The following ARHGAP6 variants were observed in gnomAD, a reference collection of about 807,000 sequenced individuals.
ARHGAP6 encodes rho GTPase-activating protein 6.
ARHGAP6 carries 16 observed loss-of-function variants against 55.7 expected under a neutral mutation model. The observed-to-expected ratio is 0.29, with a 90% confidence interval of 0.19 to 0.44. ARHGAP6 has a LOEUF of 0.44. Among genes scored for constraint, ARHGAP6 ranks in the 20% least tolerant of loss-of-function variants. ARHGAP6 has a pLI of 1.00. For missense variants in ARHGAP6, 698 were observed against 808.9 expected (o/e 0.86, Z 1.66); for synonymous variants, 382 against 360.9 (o/e 1.06, Z -0.66).
At chrX:11,570,914 T>C (rs991338499) in intron 1 of ARHGAP6, among the ~76,000 whole-genome samples, 3 of 111,380 alleles carry the variant, frequency 2.7e-5, no homozygotes, top group Admixed American at 9.6e-5. Flanking sequence ...TCAGCCCTAA[T>C]AAGTGTATTT....
intron 1 of ARHGAP6, among the ~76,000 whole-genome samples, chrX:11,346,170 G>A (rs946016395): frequency 9.0e-6 from 1 of 111,580 alleles, no homozygotes; most frequent in Non-Finnish European, 1.9e-5. Context: ...GGACAGATAA[G>A]TAAGCAAAAC....
chrX:11,212,621 C>T (rs1384263488), intron 2 of ARHGAP6, among the ~76,000 whole-genome samples: 1 of 112,134 alleles, frequency 8.9e-6, no homozygotes, highest in Non-Finnish European at 1.9e-5. Flanking sequence ...TCTGCATGAA[C>T]GTTTCCCAGC....
At chrX:11,584,872 C>T (rs1249633421) in intron 1 of ARHGAP6, among the ~76,000 whole-genome samples, 2 of 111,669 alleles carry the variant, frequency 1.8e-5, no homozygotes, top group East Asian at 5.6e-4. Context: ...GTTACATGTG[C>T]AAGTTCATTA....
chrX:11,252,166 T>G, intron 2 of ARHGAP6, among the ~76,000 whole-genome samples: 1 of 112,104 alleles, frequency 8.9e-6, no homozygotes, highest in Middle Eastern at 4.6e-3. Context: ...TAGTGGACTC[T>G]TTAACAAGCA....
At chrX:11,548,343 C>T (rs2051232497) in intron 1 of ARHGAP6, among the ~76,000 whole-genome samples, 1 of 111,331 alleles carries the variant, frequency 9.0e-6, no homozygotes, top group Non-Finnish European at 1.9e-5. Flanking sequence ...TGCTAGAACA[C>T]CAGAACTAAT....
intron 2 of ARHGAP6, 124 bp from the exon 3 acceptor site, chrX:11,197,120 G>A (rs1221227040): frequency 5.0e-5 from 22 of 441,358 alleles, no homozygotes; most frequent in Non-Finnish European, 8.2e-5. Context: ...GACATTTTAA[G>A]CAGAGTAACA....
intron 10 of ARHGAP6, among the ~76,000 whole-genome samples, chrX:11,149,026 G>A (rs941045380): frequency 3.6e-5 from 4 of 111,897 alleles, no homozygotes; most frequent in Admixed American, 1.9e-4. Flanking sequence ...AGGGATAAAG[G>A]TACCCCACTT....
intron 9 of ARHGAP6, among the ~76,000 whole-genome samples, chrX:11,160,896 T>G (rs2045933966): frequency 8.9e-6 from 1 of 112,417 alleles, no homozygotes; most frequent in African/African-American, 3.2e-5. Flanking sequence ...AGACATAGTT[T>G]AAAATTGTAG....
intron 2 of ARHGAP6, among the ~76,000 whole-genome samples, chrX:11,226,458 T>G (rs1358131044): frequency 1.8e-5 from 2 of 111,647 alleles, no homozygotes; most frequent in Non-Finnish European, 3.8e-5. Context: ...TTACTTACCA[T>G]TTTCACTTTG....
chrX:11,215,330 G>A (rs2046865034), intron 2 of ARHGAP6, among the ~76,000 whole-genome samples: 1 of 112,955 alleles, frequency 8.9e-6, no homozygotes, highest in African/African-American at 3.2e-5. Context: ...GGGGACCCAG[G>A]AGCAGGGCCG....
intron 1 of ARHGAP6, among the ~76,000 whole-genome samples, chrX:11,662,051 G>T (rs1203833496): frequency 8.9e-6 from 1 of 112,001 alleles, no homozygotes; most frequent in East Asian, 2.8e-4. Context: ...AACCAGAAAA[G>T]TTCAAGAACC....
intron 1 of ARHGAP6, among the ~76,000 whole-genome samples, chrX:11,273,428 C>T (rs1192706872): frequency 3.7e-5 from 4 of 108,151 alleles, no homozygotes; most frequent in Non-Finnish European, 7.7e-5. Flanking sequence ...AAAAAAAAAC[C>T]AGTAGACTCA....
At chrX:11,296,148 AC>A (rs1454885637) in intron 1 of ARHGAP6, among the ~76,000 whole-genome samples, 1 of 112,190 alleles carries the variant, frequency 8.9e-6, no homozygotes, top group Non-Finnish European at 1.9e-5. Context: ...ACTTTGCTCC[AC>A]CCATCTTGTT....
chrX:11,584,015 G>A (rs865880431), intron 1 of ARHGAP6, among the ~76,000 whole-genome samples: 9 of 111,528 alleles, frequency 8.1e-5, no homozygotes, highest in South Asian at 3.7e-4. Flanking sequence ...CCTTAAATAC[G>A]GAAAAGGACT....
intron 10 of ARHGAP6, among the ~76,000 whole-genome samples, chrX:11,154,852 C>T (rs1471762721): frequency 1.8e-5 from 2 of 112,327 alleles, no homozygotes; most frequent in Non-Finnish European, 3.8e-5. Context: ...AAAAGCAAGA[C>T]CATAAAATAC....
At chrX:11,446,709 A>T (rs1282819312) in intron 1 of ARHGAP6, among the ~76,000 whole-genome samples, 7 of 112,277 alleles carry the variant, frequency 6.2e-5, no homozygotes, top group African/African-American at 2.3e-4. Flanking sequence ...AACCTTAATA[A>T]TAAATATTTA....
At chrX:11,476,607 G>C (rs2050405785) in intron 1 of ARHGAP6, among the ~76,000 whole-genome samples, 1 of 110,999 alleles carries the variant, frequency 9.0e-6, no homozygotes, top group Admixed American at 9.6e-5. Flanking sequence ...TACAGTGAAA[G>C]ACAGGATGAT....
chrX:11,461,092 G>A (rs1359196898), intron 1 of ARHGAP6, among the ~76,000 whole-genome samples: 3 of 111,653 alleles, frequency 2.7e-5, no homozygotes, highest in Non-Finnish European at 5.6e-5. Flanking sequence ...AGAGCTGGAG[G>A]GTCATTTACT....
chrX:11,587,176 C>G (rs2051744890), intron 1 of ARHGAP6, among the ~76,000 whole-genome samples: 1 of 111,205 alleles, frequency 9.0e-6, no homozygotes, highest in Admixed American at 9.6e-5. Flanking sequence ...CTTTCTCTTG[C>G]CTGATTGCTC....
Sources: gnomAD v4.1 joint callset for allele counts (sites outside exome capture counted in the v4.1 genomes callset) on GRCh38, gnomAD v4.1.1 for gene constraint, MANE v1.5 for transcripts, NCBI Gene and HGNC (gene_info 2026-07-23, HGNC 2026-07-21) for gene names.